DLGAP1: variants seen among roughly 807,000 people sequenced by gnomAD.
The protein encoded by DLGAP1 is disks large-associated protein 1.
Under a neutral mutation model 90.8 loss-of-function variants are expected in DLGAP1, and 11 were observed. The observed-to-expected ratio is 0.12, with a 90% CI of 0.08 to 0.20. The LOEUF is 0.20. Ranked by LOEUF, DLGAP1 falls within the 10% of genes least tolerant of loss-of-function variation. The pLI, the probability that DLGAP1 is intolerant of heterozygous loss-of-function variation, is 1.00. For missense variants in DLGAP1, 1,050 were observed against 1,333.8 expected (o/e 0.79, Z 3.31); for synonymous variants, 558 against 540.7 (o/e 1.03, Z -0.44).
At chr18:3,718,001 G>A (rs559730663) in intron 7 of DLGAP1, among the ~76,000 whole-genome samples, 1 of 152,190 alleles carries the variant, frequency 6.6e-6, no homozygotes, top group South Asian at 2.1e-4. Flanking sequence ...TGGGCTTTTG[G>A]ATTGTGAGTT....
At chr18:3,979,784 T>TAGA (rs1482381005) in intron 3 of DLGAP1, among the ~76,000 whole-genome samples, 2 of 152,234 alleles carry the variant, frequency 1.3e-5, no homozygotes, top group Non-Finnish European at 2.9e-5. Flanking sequence ...GATGTATACA[T>TAGA]AGATCAAAAC....
At chr18:3,960,340 A>C (rs1218117380) in intron 3 of DLGAP1, among the ~76,000 whole-genome samples, 4 of 152,084 alleles carry the variant, frequency 2.6e-5, no homozygotes, top group Non-Finnish European at 5.9e-5. Context: ...TAAGAGAAGG[A>C]GGTCGGGGAA....
At chr18:4,264,010 C>G (rs1348139065) in intron 1 of DLGAP1, among the ~76,000 whole-genome samples, 1 of 152,090 alleles carries the variant, frequency 6.6e-6, no homozygotes, top group Non-Finnish European at 1.5e-5. Context: ...GATATTTTCC[C>G]ACAACTTCTC....
chr18:3,665,427 C>T (rs1214095203), intron 7 of DLGAP1, among the ~76,000 whole-genome samples: 2 of 152,184 alleles, frequency 1.3e-5, no homozygotes, highest in African/African-American at 4.8e-5. Flanking sequence ...CTACTTAGCT[C>T]TACGGATATG....
chr18:3,538,615 A>G (rs1196638936), intron 9 of DLGAP1, among the ~76,000 whole-genome samples: 2 of 152,208 alleles, frequency 1.3e-5, no homozygotes, highest in Admixed American at 1.3e-4. Context: ...TGTGAATTGG[A>G]TGACTCTCCT....
chr18:4,092,073 T>C (rs1481149760), intron 2 of DLGAP1, among the ~76,000 whole-genome samples: 3 of 152,010 alleles, frequency 2.0e-5, no homozygotes, highest in Non-Finnish European at 4.4e-5. Context: ...TGGGTTTGGG[T>C]TTTGTTATTG....
At chr18:4,211,706 C>T (rs2144891621) in intron 1 of DLGAP1, among the ~76,000 whole-genome samples, 1 of 152,222 alleles carries the variant, frequency 6.6e-6, no homozygotes, top group Non-Finnish European at 1.5e-5. Flanking sequence ...CACAGAGAAA[C>T]AATGGTCAGC....
At chr18:4,265,878 G>T (rs2079119948) in intron 1 of DLGAP1, among the ~76,000 whole-genome samples, 1 of 150,914 alleles carries the variant, frequency 6.6e-6, no homozygotes, top group South Asian at 2.1e-4. Flanking sequence ...TGGAGAGATA[G>T]GGTTTCCCTA....
At chr18:4,096,464 T>A (rs1051179732) in intron 2 of DLGAP1, among the ~76,000 whole-genome samples, 3 of 152,238 alleles carry the variant, frequency 2.0e-5, no homozygotes, top group African/African-American at 7.2e-5. Context: ...ATTTCTCATC[T>A]GCTATATGTC....
intron 1 of DLGAP1, among the ~76,000 whole-genome samples, chr18:4,319,448 T>C (rs1294981368): frequency 6.6e-6 from 1 of 152,154 alleles, no homozygotes; most frequent in Non-Finnish European, 1.5e-5. Context: ...ACCAAACAAA[T>C]ACAACTAGTA....
At chr18:3,835,723 T>C (rs1406498634) in intron 4 of DLGAP1, among the ~76,000 whole-genome samples, 1 of 151,950 alleles carries the variant, frequency 6.6e-6, no homozygotes, top group African/African-American at 2.4e-5. Context: ...GTCACAATCA[T>C]TGCATATATG....
rs1337414343 is a variant in DLGAP1 at position 3,879,350 on chromosome 18, T to C, written c.719A>G (p.Tyr240Cys). The part of the protein sequence containing the change: ...RSASQYFLEA[Y>C]NTISEQAVKA... ...CACCGCCTGCTCGCTGATGGTGTTG[T>C]AGGCCTCCAGGAAGTACTGTGAGGC... The change falls in exon 4 of 13, where the codon TAC becomes TGC. Residue 240 changes from tyrosine to cysteine, a missense_variant. This residue lies in a region of DLGAP1 where 485 missense variants were observed against 454.1 expected (regional missense o/e 1.07). Transcript: ENST00000315677. This position sits in a 1 kb window ranked among gnomAD's most constrained non-coding sequence, Gnocchi z 6.6. The C allele has an allele frequency of 1.2e-6, 2 of 1,612,460 alleles. No individual in the cohort carries two copies. The highest frequency in any genetic ancestry group is 2.2e-5 in the South Asian group (2 of 90,822).
chr18:4,154,054 T>C (rs1460690102), intron 1 of DLGAP1, among the ~76,000 whole-genome samples: 1 of 152,102 alleles, frequency 6.6e-6, no homozygotes, highest in Non-Finnish European at 1.5e-5. Context: ...GTGGCTTTCA[T>C]GGGCTCATGT....
chr18:4,164,616 G>T (rs937264951), intron 1 of DLGAP1, among the ~76,000 whole-genome samples: 7 of 152,088 alleles, frequency 4.6e-5, no homozygotes, highest in South Asian at 2.1e-4. Context: ...GGAGGCGAAG[G>T]TTGCAGTGAG....
chr18:4,438,192 A>C (rs1410363956), intron 1 of DLGAP1, among the ~76,000 whole-genome samples: 1 of 152,134 alleles, frequency 6.6e-6, no homozygotes, highest in East Asian at 1.9e-4. Flanking sequence ...TTTTGCTTAC[A>C]TACTGGTCCT....
chr18:3,831,798 C>T (rs1051551179), intron 4 of DLGAP1, among the ~76,000 whole-genome samples: 2 of 152,198 alleles, frequency 1.3e-5, no homozygotes, highest in Middle Eastern at 3.2e-3. Context: ...TCAACAAATT[C>T]TGTGAAACTG....
intron 10 of DLGAP1, 122 bp from the exon 11 acceptor site, chr18:3,508,783 A>C (rs2143812509): frequency 1.4e-6 from 1 of 702,464 alleles, no homozygotes. Flanking sequence ...CACACACTGA[A>C]CACTCATGCC....
At chr18:3,982,743 G>C (rs946817463) in intron 3 of DLGAP1, among the ~76,000 whole-genome samples, 3 of 152,102 alleles carry the variant, frequency 2.0e-5, no homozygotes, top group African/African-American at 7.2e-5. Context: ...ATTTTGTACT[G>C]GTTGGTATAT....
At chr18:3,643,520 G>A (rs982713063) in intron 7 of DLGAP1, among the ~76,000 whole-genome samples, 8 of 151,848 alleles carry the variant, frequency 5.3e-5, no homozygotes, top group Admixed American at 5.2e-4. Flanking sequence ...AAAATTAGCC[G>A]GGCGTGGTGG....
Sources: gnomAD v4.1 joint callset for allele counts (sites outside exome capture counted in the v4.1 genomes callset) on GRCh38, gnomAD v4.1.1 for gene constraint, gnomAD v4.1.1 regional missense constraint, Gnocchi (gnomAD v3.1) non-coding constraint, MANE v1.5 for transcripts, NCBI Gene and HGNC (gene_info 2026-07-23, HGNC 2026-07-21) for gene names.